The following DEPDC5 variants were observed in gnomAD, a reference collection of about 807,000 sequenced individuals.
DEPDC5 encodes the protein GATOR1 complex protein DEPDC5.
A neutral mutation model predicts 217.3 loss-of-function variants in DEPDC5; 73 were observed. The observed-to-expected ratio is 0.34, with a 90% CI of 0.28 to 0.41. The LOEUF (loss-of-function observed/expected upper bound fraction) is 0.41, where lower values mean the gene tolerates loss of function less well. Among genes scored for constraint, DEPDC5 ranks in the 10% least tolerant of loss-of-function variants. The pLI is 1.00. For missense variants in DEPDC5, 1,675 were observed against 2,070.1 expected (o/e 0.81, Z 3.70); for synonymous variants, 733 against 756.7 (o/e 0.97, Z 0.51).
intron 4 of DEPDC5, among the ~76,000 whole-genome samples, chr22:31,764,344 A>G (rs993926238): frequency 6.6e-6 from 1 of 152,104 alleles, no homozygotes; most frequent in Non-Finnish European, 1.5e-5. Context: ...TGATAACTTC[A>G]TTCCAAAGAG....
In DEPDC5 at chr22:31,792,665, C is replaced by T. The variant is rs1601880910; in HGVS notation, c.695-80C>T. 9.1e-6 allele frequency: 5 copies of T among 547,212 alleles called. No individual in the cohort carries two copies. The Admixed American group carries it at 1.5e-4, about 16-fold the overall frequency. The allele number at this position is 547,212 out of a possible 1,614,324, so 33.9% of individuals were successfully genotyped here. A position where few individuals can be genotyped will look rare whatever the true frequency, so the allele number is the denominator to read the frequency against. ...ATCTTTATTTTTTTGTGATGCAAAT[C>T]TTTAACCCAGAAGAGGAAGCTGACA... On this transcript the variant is annotated intron_variant, in intron 11 of 42. Transcript: ENST00000651528.
intron 4 of DEPDC5, among the ~76,000 whole-genome samples, chr22:31,762,267 A>C (rs2082455820): frequency 1.3e-5 from 2 of 152,154 alleles, no homozygotes; most frequent in Non-Finnish European, 2.9e-5. Context: ...GTGAGTGAGG[A>C]AGTTTATTAT....
rs775143616 is a variant in DEPDC5 at position 31,796,305 on chromosome 22, G to A, written c.768-1295G>A. The stretch of plus-strand genomic sequence containing the variant: ...TTTTTAGTGGAGACAGGGTTTCACC[G>A]TGTTAGCCAGAATGGTCTCTATCTC... On this transcript the variant is annotated intron_variant, in intron 12 of 42. Transcript: ENST00000651528. Among the ~76,000 whole-genome samples, 8 of 151,338 alleles carry A rather than the reference G, an allele frequency of 5.3e-5. 1 individual carries two copies. Among genetic ancestry groups the A allele is most frequent in the Non-Finnish European group, 7.4e-5 (5 of 67,826 alleles).
At chr22:31,892,967 C>T (rs996509637) in intron 38 of DEPDC5, among the ~76,000 whole-genome samples, 1 of 151,490 alleles carries the variant, frequency 6.6e-6, no homozygotes, top group African/African-American at 2.4e-5. Context: ...CCTCTGCCTC[C>T]CAGGTTCGAG....
At chr22:31,894,396 T>G (rs1265702667) in intron 39 of DEPDC5, 1 of 152,098 alleles carries the variant, frequency 6.6e-6, no homozygotes, top group Non-Finnish European at 1.5e-5. Context: ...GTTATTGGGA[T>G]TTTTGTTTGT....
At chr22:31,844,191 A>G (rs1217361744) in intron 29 of DEPDC5, among the ~76,000 whole-genome samples, 1 of 152,060 alleles carries the variant, frequency 6.6e-6, no homozygotes, top group East Asian at 1.9e-4. Flanking sequence ...AAGCCATTGC[A>G]CTCCAGCCTG....
intron 17 of DEPDC5, among the ~76,000 whole-genome samples, chr22:31,805,352 A>G (rs547029769): frequency 2.1e-4 from 32 of 151,556 alleles, no homozygotes; most frequent in Non-Finnish European, 4.0e-4. Flanking sequence ...TATTCCACCT[A>G]CCCTTCTCCT....
chr22:31,867,018 C>T (rs2092707403), intron 33 of DEPDC5, among the ~76,000 whole-genome samples: 1 of 152,168 alleles, frequency 6.6e-6, no homozygotes, highest in Non-Finnish European at 1.5e-5. Context: ...TAAGTCTAGC[C>T]CACTCTAAAG....
chr22:31,856,396 C>A (rs538196184), intron 31 of DEPDC5, among the ~76,000 whole-genome samples: 1 of 152,236 alleles, frequency 6.6e-6, no homozygotes, highest in African/African-American at 2.4e-5. Flanking sequence ...CTCGCACTGT[C>A]CATCACAAGA....
chr22:31,808,941 A>G (rs981567488), intron 18 of DEPDC5, among the ~76,000 whole-genome samples: 1 of 151,854 alleles, frequency 6.6e-6, no homozygotes, highest in Non-Finnish European at 1.5e-5. Context: ...AAATATATAT[A>G]TATAAAAATA....
At chr22:31,819,867 C>T (rs1314824429) in intron 22 of DEPDC5, among the ~76,000 whole-genome samples, 1 of 152,100 alleles carries the variant, frequency 6.6e-6, no homozygotes, top group Non-Finnish European at 1.5e-5. Context: ...TCTTAGATCT[C>T]TTGGATATTG....
At chr22:31,852,448 C>G (rs1323937996) in intron 31 of DEPDC5, among the ~76,000 whole-genome samples, 2 of 148,784 alleles carry the variant, frequency 1.3e-5, no homozygotes, top group African/African-American at 2.5e-5. Flanking sequence ...TCAAGTGATT[C>G]TCCTGCCTCA....
intron 20 of DEPDC5, among the ~76,000 whole-genome samples, chr22:31,811,937 C>T (rs2088402703): frequency 6.6e-6 from 1 of 152,136 alleles, no homozygotes. Flanking sequence ...CCCAGAGTTA[C>T]AGATGTGTAT....
At chr22:31,822,454 A>C (rs2089786306) in intron 23 of DEPDC5, among the ~76,000 whole-genome samples, 1 of 152,120 alleles carries the variant, frequency 6.6e-6, no homozygotes, top group South Asian at 2.1e-4. Flanking sequence ...CGGGTGGTCT[A>C]GCTTGGTGGT....
chr22:31,876,571 C>T (rs922745980), intron 37 of DEPDC5, among the ~76,000 whole-genome samples: 1 of 152,100 alleles, frequency 6.6e-6, no homozygotes, highest in African/African-American at 2.4e-5. Flanking sequence ...ATTAGAGTGC[C>T]CCACCCCCTT....
rs551240933 is a variant in DEPDC5 at position 31,763,659 on chromosome 22, C to T, written c.194-1316C>T. The stretch of plus-strand genomic sequence containing the variant: ...TTTTTGCTCAGGCTGGTCTTGAACT[C>T]CTGGGCCCAAGCAGTCCTCATGCCT... On this transcript the variant is annotated intron_variant, in intron 4 of 42. Coordinates refer to ENST00000651528, the MANE Select transcript of DEPDC5 (RefSeq NM_001242896.3). Among the ~76,000 whole-genome samples the T allele has an allele frequency of 8.6e-5, 13 of 151,574 alleles. No individual in the cohort carries two copies. In the East Asian group the frequency reaches 1.6e-3, roughly 18 times the overall value.
chr22:31,767,724 G>T (rs2082943414), intron 6 of DEPDC5, among the ~76,000 whole-genome samples: 1 of 150,918 alleles, frequency 6.6e-6, no homozygotes, highest in Non-Finnish European at 1.5e-5. Flanking sequence ...GAGGCATCGT[G>T]CCCGGCCCAT....
At chr22:31,764,608 G>A (rs900827107) in intron 4 of DEPDC5, among the ~76,000 whole-genome samples, 14 of 152,020 alleles carry the variant, frequency 9.2e-5, no homozygotes, top group Admixed American at 4.6e-4. Context: ...TAGAGACAGG[G>A]TTTCACCATG....
chr22:31,762,444 A>AC (rs2148057395), intron 4 of DEPDC5, among the ~76,000 whole-genome samples: 1 of 152,282 alleles, frequency 6.6e-6, no homozygotes, highest in African/African-American at 2.4e-5. Context: ...TCTTAAGAGA[A>AC]AAAAACAAAA....
Sources: gnomAD v4.1 joint callset for allele counts (sites outside exome capture counted in the v4.1 genomes callset) on GRCh38, gnomAD v4.1.1 for gene constraint, MANE v1.5 for transcripts, NCBI Gene and HGNC (gene_info 2026-07-23, HGNC 2026-07-21) for gene names.